PLXNA4: variants seen among roughly 807,000 people sequenced by gnomAD.
PLXNA4 encodes plexin A4, also known as plexin-A4.
Under a neutral mutation model 191.8 loss-of-function variants are expected in PLXNA4, and 44 were observed. The ratio of observed to expected loss-of-function variants is 0.23; its 90% CI spans 0.18 to 0.29. The LOEUF (loss-of-function observed/expected upper bound fraction) is 0.29, where lower values mean the gene tolerates loss of function less well. Ranked by LOEUF, PLXNA4 falls within the 10% of genes least tolerant of loss-of-function variation. PLXNA4 has a pLI of 1.00. For missense variants in PLXNA4, 1,800 were observed against 2,488.8 expected (o/e 0.72, Z 5.89); for synonymous variants, 1,082 against 1,009.5 (o/e 1.07, Z -1.36).
At chr7:132,178,004 C>T (rs971460389) in intron 20 of PLXNA4, among the ~76,000 whole-genome samples, 3 of 152,182 alleles carry the variant, frequency 2.0e-5, no homozygotes, top group African/African-American at 7.2e-5. Context: ...CAGATCCTCC[C>T]AGGATGAGTC....
At position 132,395,916 on chromosome 7, in the gene PLXNA4, G is replaced by C. The variant is rs1241142176; in HGVS notation, c.1371+93376C>G. 2.0e-5 allele frequency among the ~76,000 whole-genome samples: 3 copies of C among 152,184 alleles called. No homozygotes were observed. The South Asian group carries it at 6.2e-4, about 32-fold the overall frequency. ...AGACACAGAAAGCTTTCACTGTTTG[G>C]GGGTATTTTGTTTTCTCACAAAATA... is the stretch of plus-strand genomic sequence containing the variant. On this transcript the variant is annotated intron_variant, in intron 3 of 31. Transcript: ENST00000321063.
At chr7:132,385,407 G>A in intron 3 of PLXNA4, 1 of 1,377,894 alleles carries the variant, frequency 7.3e-7, no homozygotes, top group East Asian at 2.6e-5. Flanking sequence ...TTACAGTTCT[G>A]AAATACAGTA....
chr7:132,633,175 G>A (rs968126741), intron 2 of PLXNA4, among the ~76,000 whole-genome samples: 2 of 152,144 alleles, frequency 1.3e-5, no homozygotes, highest in East Asian at 3.9e-4. Flanking sequence ...TGAAGCCAGT[G>A]TTCTGAGTGG....
In PLXNA4 at chr7:132,364,182, A is replaced by C. The variant is rs770717709; in HGVS notation, c.1372-65960T>G. On this transcript the variant is annotated intron_variant, in intron 3 of 31. Coordinates refer to ENST00000321063, the MANE Select transcript of PLXNA4 (RefSeq NM_020911.2). The stretch of plus-strand genomic sequence containing the variant: ...GCGGGGCTGGGTATGGGGAGGGAAC[A>C]ATGGGGAGGAATGGGCAGACATGGT... Among the ~76,000 whole-genome samples the C allele has an allele frequency of 2.0e-5, 3 of 152,284 alleles. No individual in the cohort carries two copies. The South Asian group carries it at 6.2e-4, about 32-fold the overall frequency.
intron 22 of PLXNA4, among the ~76,000 whole-genome samples, 183 bp downstream of exon 22, chr7:132,168,121 T>G (rs973201699): frequency 6.6e-6 from 1 of 152,214 alleles, no homozygotes; most frequent in Non-Finnish European, 1.5e-5. Flanking sequence ...CCTTGACTCC[T>G]GAGGACAGTG....
At chr7:132,479,661 T>A (rs1445551513) in intron 3 of PLXNA4, among the ~76,000 whole-genome samples, 5 of 152,154 alleles carry the variant, frequency 3.3e-5, no homozygotes, top group African/African-American at 1.2e-4. Context: ...TTATTAACCA[T>A]TTTTTTGGGA....
intron 3 of PLXNA4, among the ~76,000 whole-genome samples, chr7:132,335,036 A>C (rs1324457047): frequency 1.3e-5 from 2 of 152,208 alleles, no homozygotes; most frequent in African/African-American, 4.8e-5. Context: ...TTTTTTAAAA[A>C]TTTATATTTG....
chr7:132,456,771 T>A (rs1255601703), intron 3 of PLXNA4, among the ~76,000 whole-genome samples: 1 of 151,992 alleles, frequency 6.6e-6, no homozygotes, highest in Non-Finnish European at 1.5e-5. Context: ...CAGGGCTCCC[T>A]CTCCATTCAT....
chr7:132,455,568 T>C (rs1796283799), intron 3 of PLXNA4, among the ~76,000 whole-genome samples: 1 of 152,158 alleles, frequency 6.6e-6, no homozygotes, highest in Non-Finnish European at 1.5e-5. Flanking sequence ...ACAGTCTTCC[T>C]GTCTGTTGGG....
intron 2 of PLXNA4, among the ~76,000 whole-genome samples, chr7:132,495,468 G>A (rs961159335): frequency 2.0e-5 from 3 of 152,132 alleles, no homozygotes; most frequent in African/African-American, 7.2e-5. Flanking sequence ...GACCAGCAGG[G>A]ATGTGCCATG....
chr7:132,401,797 C>T (rs777288370), intron 3 of PLXNA4, among the ~76,000 whole-genome samples: 6 of 152,144 alleles, frequency 3.9e-5, no homozygotes, highest in South Asian at 2.1e-4. Flanking sequence ...TGTGCTTAGA[C>T]GAGTGGATCT....
intron 3 of PLXNA4, among the ~76,000 whole-genome samples, chr7:132,318,041 C>T (rs148539480): frequency 5.9e-5 from 9 of 152,322 alleles, no homozygotes; most frequent in Non-Finnish European, 1.2e-4. Flanking sequence ...CCGAGTAACC[C>T]GGTCAAAGAA....
intron 3 of PLXNA4, among the ~76,000 whole-genome samples, chr7:132,460,088 T>G (rs1040454096): frequency 6.6e-6 from 1 of 152,182 alleles, no homozygotes; most frequent in Non-Finnish European, 1.5e-5. Context: ...GTACTGTGGC[T>G]CACTCCGGTA....
rs748788157 is a variant in PLXNA4 at position 132,212,049 on chromosome 7, C to T, written c.2098-906G>A. Among the ~76,000 whole-genome samples, 5 of 152,214 alleles carry T rather than the reference C, an allele frequency of 3.3e-5. No individual in the cohort carries two copies. In the South Asian group the frequency reaches 6.2e-4, roughly 19 times the overall value. On this transcript the variant is annotated intron_variant, in intron 9 of 31. Transcript: ENST00000321063. The stretch of plus-strand genomic sequence containing the variant: ...GCTCTTGCTGATGGATGTGGGCAGG[C>T]GTGAAGCCTTCCATAACACAAGCAT...
intron 28 of PLXNA4, chr7:132,145,629 A>C: frequency 3.4e-6 from 1 of 296,966 alleles, no homozygotes; most frequent in Non-Finnish European, 6.4e-6. Flanking sequence ...GAGCAGACAA[A>C]CACAATCTGC....
At chr7:132,440,430 A>G (rs1795653710) in intron 3 of PLXNA4, among the ~76,000 whole-genome samples, 1 of 152,182 alleles carries the variant, frequency 6.6e-6, no homozygotes, top group African/African-American at 2.4e-5. Flanking sequence ...ACCATCCTGA[A>G]ACTGCTTTAA....
At chr7:132,385,577 TATGATGGC>T (rs1411255678) in intron 3 of PLXNA4, among the ~76,000 whole-genome samples, 1 of 152,218 alleles carries the variant, frequency 6.6e-6, no homozygotes, top group Admixed American at 6.5e-5. Flanking sequence ...CAGCAAGCTG[TATGATGGC>T]ACGTGTCTTA....
In PLXNA4 at chr7:132,198,604, G is replaced by GC. The variant is rs1172486691; in HGVS notation, c.2618dup (p.Thr874HisfsTer44). ...TCTCCCCTCGGATAGTGACCTTGGT[G>GC]CCCCCTTCCCGGGGGCCTGTCACCG... On this transcript the variant is annotated frameshift_variant, in exon 13 of 32. Coordinates refer to ENST00000321063, the MANE Select transcript of PLXNA4 (RefSeq NM_020911.2). LOFTEE classifies it high-confidence loss of function. 6.2e-7 allele frequency: 1 copy of GC among 1,614,238 alleles called. No individual in the cohort carries two copies. The highest frequency in any genetic ancestry group is 1.1e-5 in the South Asian group (1 of 91,086).
chr7:132,194,240 C>T, intron 13 of PLXNA4, 61 bp from the exon 14 acceptor site: 1 of 1,550,482 alleles, frequency 6.4e-7, no homozygotes, highest in Admixed American at 1.7e-5. Flanking sequence ...ACCCTGCACC[C>T]CACAGCACCT....
Sources: allele counts gnomAD v4.1 joint callset (sites outside exome capture counted in the v4.1 genomes callset), GRCh38; gene constraint gnomAD v4.1.1; transcripts MANE v1.5; gene names NCBI Gene and HGNC (gene_info 2026-07-23, HGNC 2026-07-21).